LIN7A: variants seen among roughly 807,000 people sequenced by gnomAD.
LIN7A encodes protein lin-7 homolog A.
In LIN7A, 25 loss-of-function variants were observed where a neutral mutation model predicts 29.8. That is an observed-to-expected ratio of 0.84 (90% CI 0.61 to 1.17). The LOEUF (loss-of-function observed/expected upper bound fraction) is 1.17. LIN7A is among the 50% of genes most tolerant of loss of function. The pLI, the probability that LIN7A is intolerant of heterozygous loss-of-function variation, is 0.00. For synonymous variants in LIN7A, 118 were observed against 107.5 expected (o/e 1.10, Z -0.60); for missense variants, 239 against 287.0 (o/e 0.83, Z 1.21).
At chr12:80,895,653 G>A (rs941876322) in intron 1 of LIN7A, among the ~76,000 whole-genome samples, 2 of 152,218 alleles carry the variant, frequency 1.3e-5, no homozygotes, top group Non-Finnish European at 2.9e-5. Flanking sequence ...GTTGTTTTAA[G>A]TGTAAAGTCA....
chr12:80,835,114 C>T (rs1872546481), intron 4 of LIN7A, among the ~76,000 whole-genome samples: 1 of 152,096 alleles, frequency 6.6e-6, no homozygotes, highest in Non-Finnish European at 1.5e-5. Context: ...TGAGATAAAC[C>T]ACACATTTCT....
At chr12:80,917,978 T>A (rs1231594533) in intron 1 of LIN7A, among the ~76,000 whole-genome samples, 1 of 152,236 alleles carries the variant, frequency 6.6e-6, no homozygotes, top group Admixed American at 6.5e-5. Flanking sequence ...ATCTTTCGTT[T>A]TACCATCTCC....
intron 5 of LIN7A, among the ~76,000 whole-genome samples, chr12:80,798,075 C>T (rs1238705230): frequency 6.6e-6 from 1 of 152,158 alleles, no homozygotes; most frequent in East Asian, 1.9e-4. Flanking sequence ...ACTCTTAGGG[C>T]TTTTAGTAGT....
chr12:80,823,095 C>T (rs1871891635), intron 4 of LIN7A, among the ~76,000 whole-genome samples: 1 of 152,210 alleles, frequency 6.6e-6, no homozygotes, highest in Non-Finnish European at 1.5e-5. Flanking sequence ...CTGAGCTGTT[C>T]TGTTGCTCAA....
chr12:80,840,235 A>G (rs527624957), intron 4 of LIN7A, among the ~76,000 whole-genome samples: 1 of 152,342 alleles, frequency 6.6e-6, no homozygotes, highest in African/African-American at 2.4e-5. Context: ...GCTTTCCCCA[A>G]TATTAACATC....
chr12:80,897,684 A>C (rs927525488), intron 1 of LIN7A, among the ~76,000 whole-genome samples: 1 of 152,074 alleles, frequency 6.6e-6, no homozygotes, highest in Non-Finnish European at 1.5e-5. Flanking sequence ...GGGCGCTTGT[A>C]ATCCCAGCTA....
intron 2 of LIN7A, among the ~76,000 whole-genome samples, chr12:80,881,425 G>A (rs1458393347): frequency 1.3e-5 from 2 of 152,108 alleles, no homozygotes; most frequent in African/African-American, 4.8e-5. Flanking sequence ...CATTAATTCT[G>A]ATGAATGCAA....
At chr12:80,853,754 T>G (rs1488493427) in intron 2 of LIN7A, among the ~76,000 whole-genome samples, 1 of 152,186 alleles carries the variant, frequency 6.6e-6, no homozygotes, top group Non-Finnish European at 1.5e-5. Context: ...TGGAATGCAG[T>G]GGCACTATCT....
At chr12:80,906,859 G>A (rs949041012) in intron 1 of LIN7A, among the ~76,000 whole-genome samples, 1 of 152,028 alleles carries the variant, frequency 6.6e-6, no homozygotes, top group African/African-American at 2.4e-5. Context: ...AAAAAAGAAC[G>A]GAGCTAGGAA....
intron 5 of LIN7A, 64 bp from the exon 6 acceptor site, chr12:80,797,790 T>A (rs2121471571): frequency 6.5e-6 from 1 of 152,724 alleles, no homozygotes; most frequent in South Asian, 2.1e-4. Context: ...TACAATATGC[T>A]AAAAATATCA....
chr12:80,820,400 T>C (rs1470209487), intron 4 of LIN7A, among the ~76,000 whole-genome samples: 1 of 152,190 alleles, frequency 6.6e-6, no homozygotes, highest in African/African-American at 2.4e-5. Flanking sequence ...GGCAGAAAAC[T>C]GAAAACGAGC....
intron 2 of LIN7A, among the ~76,000 whole-genome samples, chr12:80,879,834 G>A (rs1202854138): frequency 6.6e-6 from 1 of 152,102 alleles, no homozygotes; most frequent in Non-Finnish European, 1.5e-5. Flanking sequence ...CTATCAGTCG[G>A]AGCAGAGCAG....
chr12:80,848,652 G>C (rs1269531457), intron 2 of LIN7A, among the ~76,000 whole-genome samples: 1 of 151,878 alleles, frequency 6.6e-6, no homozygotes, highest in African/African-American at 2.4e-5. Context: ...AAACTTAAAG[G>C]ATGCCTTGAG....
At position 80,793,545 on chromosome 12, in the gene LIN7A, C is replaced by A. The variant is rs780745877; in HGVS notation, c.*4182G>T. ...ATGTTGGAGAGTTTCTCACAGTAAC[C>A]TCCAAGAGGGATTGTGTCTGTCTTG... On this transcript the variant is annotated 3_prime_UTR_variant, in exon 6 of 6. Coordinates refer to ENST00000552864, the MANE Select transcript of LIN7A (RefSeq NM_004664.4). 3.3e-5 allele frequency: 5 copies of A among 152,146 alleles called. No homozygotes were observed. 9.4% of individuals were successfully genotyped at this position (152,146 alleles called of 1,614,324 possible).
intron 4 of LIN7A, chr12:80,832,712 T>C: frequency 2.3e-6 from 1 of 430,912 alleles, no homozygotes. Context: ...TGCTATGATT[T>C]GGTAGAAGTC....
At chr12:80,909,950 T>C (rs1369446191) in intron 1 of LIN7A, among the ~76,000 whole-genome samples, 1 of 152,142 alleles carries the variant, frequency 6.6e-6, no homozygotes, top group African/African-American at 2.4e-5. Context: ...GTTGCAGTTT[T>C]TGCCATTACT....
At chr12:80,891,106 G>A (rs1178336518) in intron 1 of LIN7A, among the ~76,000 whole-genome samples, 1 of 152,152 alleles carries the variant, frequency 6.6e-6, no homozygotes, top group Non-Finnish European at 1.5e-5. Flanking sequence ...AAGTGCGGTA[G>A]ATTCTATCTT....
intron 1 of LIN7A, among the ~76,000 whole-genome samples, chr12:80,929,193 C>T (rs1237687112): frequency 2.6e-5 from 4 of 152,150 alleles, no homozygotes; most frequent in African/African-American, 9.7e-5. Context: ...TCAATCTTTT[C>T]CAAATAAAAT....
At chr12:80,810,659 C>T (rs190379446) in intron 5 of LIN7A, among the ~76,000 whole-genome samples, 2 of 152,118 alleles carry the variant, frequency 1.3e-5, no homozygotes, top group South Asian at 2.1e-4. Context: ...TTTTGAGGAA[C>T]CTCCATATTG....
Sources: gnomAD v4.1 joint callset for allele counts (sites outside exome capture counted in the v4.1 genomes callset) on GRCh38, gnomAD v4.1.1 for gene constraint, MANE v1.5 for transcripts, NCBI Gene and HGNC (gene_info 2026-07-23, HGNC 2026-07-21) for gene names.